The following NAV3 variants were observed in gnomAD, a reference collection of about 807,000 sequenced individuals.
NAV3 encodes neuron navigator 3.
A neutral mutation model predicts 244.7 loss-of-function variants in NAV3; 87 were observed. The observed-to-expected ratio is 0.36, with a 90% CI of 0.30 to 0.42. The LOEUF is 0.42. Ranked by LOEUF, NAV3 falls within the 20% of genes least tolerant of loss-of-function variation. The pLI is 1.00. For synonymous variants in NAV3, 1,126 were observed against 1,042.2 expected (o/e 1.08, Z -1.55); for missense variants, 2,663 against 2,893.3 (o/e 0.92, Z 1.83).
chr12:78,177,461 C>A, intron 27 of NAV3, 148 bp downstream of exon 27: 1 of 1,146,834 alleles, frequency 8.7e-7, no homozygotes, highest in Non-Finnish European at 1.2e-6. Flanking sequence ...TTTCATATTT[C>A]TCTTTCACTG....
chr12:78,136,439 G>A (rs1170073084), intron 18 of NAV3, among the ~76,000 whole-genome samples: 1 of 152,066 alleles, frequency 6.6e-6, no homozygotes, highest in Non-Finnish European at 1.5e-5. Context: ...TTGGCAATAA[G>A]CAATAAGAAA....
In NAV3 at chr12:77,670,760, G is replaced by A. The variant is rs572235270; in HGVS notation, c.72+98494G>A. ...CATCCCATTATGATTAAAACCATCA[G>A]CAAAATTGGCATAGAAGGGGCAAAC... On this transcript the variant is annotated intron_variant, in intron 2 of 8. Coordinates refer to the NAV3 transcript ENST00000550042. Among the ~76,000 whole-genome samples, 45 of 152,128 alleles carry A rather than the reference G, an allele frequency of 3.0e-4. 1 individual carries two copies. In the South Asian group the frequency reaches 9.1e-3, roughly 31 times the overall value.
chr12:78,158,913 TG>T, intron 22 of NAV3, among the ~76,000 whole-genome samples: 1 of 152,292 alleles, frequency 6.6e-6, no homozygotes, highest in Admixed American at 6.5e-5. Flanking sequence ...AATCTCTACA[TG>T]ATGTGCAAGT....
intron 1 of NAV3, among the ~76,000 whole-genome samples, chr12:77,910,915 A>G (rs1442797337): frequency 1.3e-5 from 2 of 152,172 alleles, no homozygotes; most frequent in Non-Finnish European, 2.9e-5. Context: ...ACTGTGAGAT[A>G]CTGAAGTAGT....
upstream of NAV3, among the ~76,000 whole-genome samples, chr12:77,828,127 G>A (rs1432206514): frequency 1.3e-5 from 2 of 152,120 alleles, no homozygotes; most frequent in African/African-American, 4.8e-5. Context: ...AAGGTGAGTA[G>A]GCCATGAGAA....
intron 1 of NAV3, among the ~76,000 whole-genome samples, chr12:77,844,639 A>G (rs141664861): frequency 1.2e-3 from 187 of 152,228 alleles, no homozygotes; most frequent in African/African-American, 3.9e-3. Flanking sequence ...TCCATTCTAT[A>G]TGGACTTGTT....
chr12:77,998,577 G>T, intron 7 of NAV3, 101 bp downstream of exon 7: 1 of 1,273,352 alleles, frequency 7.9e-7, no homozygotes, highest in East Asian at 2.6e-5. Context: ...TGGGCCTAGA[G>T]ATGTTATCAG....
chr12:77,770,854 C>G (rs775930796), intron 2 of NAV3, among the ~76,000 whole-genome samples: 1 of 152,142 alleles, frequency 6.6e-6, no homozygotes, highest in Non-Finnish European at 1.5e-5. Context: ...TAAGCATGGG[C>G]AAGGACTTCA....
intron 2 of NAV3, among the ~76,000 whole-genome samples, chr12:77,748,963 C>T (rs7300127): frequency 0.48 from 73,260 of 151,980 alleles, 18,071 homozygotes; most frequent in Admixed American, 0.55. Context: ...TGAATTAAAT[C>T]GTTACATTAC....
At chr12:78,196,450 C>T (rs1959175902) in intron 34 of NAV3, among the ~76,000 whole-genome samples, 1 of 151,868 alleles carries the variant, frequency 6.6e-6, no homozygotes, top group Non-Finnish European at 1.5e-5. Flanking sequence ...GCACGATTTG[C>T]AAATTGAAAA....
At chr12:77,636,464 CAAAAAAA>C (rs372405959) in intron 2 of NAV3, among the ~76,000 whole-genome samples, 1 of 76,724 alleles carries the variant, frequency 1.3e-5, no homozygotes, top group African/African-American at 3.9e-5. Flanking sequence ...GACACCGTCT[CAAAAAAA>C]AAAAAAAAAA....
At chr12:78,142,380 A>C (rs422884) in intron 20 of NAV3, among the ~76,000 whole-genome samples, 49,658 of 151,780 alleles carry the variant, frequency 0.33, 8,483 homozygotes, top group East Asian at 0.48. Context: ...TATCTACACT[A>C]TCTAATATAG....
intron 1 of NAV3, among the ~76,000 whole-genome samples, chr12:77,881,253 A>T (rs1882608302): frequency 1.3e-5 from 2 of 152,128 alleles, no homozygotes; most frequent in African/African-American, 4.8e-5. Flanking sequence ...AGACCTTAGG[A>T]ACTGTTTTAA....
At chr12:78,180,260 C>G (rs1361797632) in intron 29 of NAV3, among the ~76,000 whole-genome samples, 1 of 152,064 alleles carries the variant, frequency 6.6e-6, no homozygotes, top group Non-Finnish European at 1.5e-5. Context: ...CCAGTAATCA[C>G]TTGGTACCAC....
chr12:77,662,601 G>A (rs1873513967), intron 2 of NAV3, among the ~76,000 whole-genome samples: 1 of 152,034 alleles, frequency 6.6e-6, no homozygotes, highest in African/African-American at 2.4e-5. Flanking sequence ...TGCTTGTTGG[G>A]TGAGAGAATG....
At chr12:77,573,338 G>A (rs1365834711) in intron 2 of NAV3, among the ~76,000 whole-genome samples, 1 of 152,048 alleles carries the variant, frequency 6.6e-6, no homozygotes, top group African/African-American at 2.4e-5. Flanking sequence ...AACTGGCATG[G>A]GGCTACAGTA....
intron 8 of NAV3, among the ~76,000 whole-genome samples, chr12:78,009,099 A>T (rs931640452): frequency 6.6e-6 from 1 of 152,206 alleles, no homozygotes; most frequent in Non-Finnish European, 1.5e-5. Flanking sequence ...TTTTAAAAAA[A>T]TTGTTTGCAA....
At chr12:78,118,771 G>A (rs1161653675) in intron 14 of NAV3, among the ~76,000 whole-genome samples, 1 of 152,148 alleles carries the variant, frequency 6.6e-6, no homozygotes, top group Non-Finnish European at 1.5e-5. Flanking sequence ...TGAAAGAAGA[G>A]AATGAAATAG....
At chr12:77,644,501 G>T (rs1362342508) in intron 2 of NAV3, among the ~76,000 whole-genome samples, 2 of 151,998 alleles carry the variant, frequency 1.3e-5, no homozygotes, top group Non-Finnish European at 2.9e-5. Context: ...AGACTGAGAA[G>T]CTTCCATAGA....
Sources: allele counts gnomAD v4.1 joint callset (sites outside exome capture counted in the v4.1 genomes callset), GRCh38; gene constraint gnomAD v4.1.1; transcripts MANE v1.5; gene names NCBI Gene and HGNC (gene_info 2026-07-23, HGNC 2026-07-21).